Variants in EPS15 observed in about 807,000 individuals in gnomAD.
EPS15 encodes epidermal growth factor receptor pathway substrate 15, also known as epidermal growth factor receptor substrate 15.
Under a neutral mutation model 113.8 loss-of-function variants are expected in EPS15, and 72 were observed. The observed-to-expected ratio is 0.63, with a 90% CI of 0.52 to 0.77. The LOEUF (loss-of-function observed/expected upper bound fraction) is 0.77, where lower values mean the gene tolerates loss of function less well. Among genes scored for constraint, EPS15 ranks in the 30% least tolerant of loss-of-function variants. The pLI, the probability that EPS15 is intolerant of heterozygous loss-of-function variation, is 0.00. For synonymous variants in EPS15, 344 were observed against 363.4 expected (o/e 0.95, Z 0.61); for missense variants, 1,048 against 1,045.8 (o/e 1.00, Z -0.03).
chr1:51,358,718 T>G lies in EPS15; in HGVS notation c.2545-1872A>C, dbSNP rs566598626. ...AGATTTGTTTTTTTTTGTTTTTTTT[T>G]TTTTTTTTGAGGCGGAGTCTCGCTC... On this transcript the variant is annotated intron_variant, in intron 24 of 24. Transcript: ENST00000371733. 2.1e-4 allele frequency among the ~76,000 whole-genome samples: 32 copies of G among 149,786 alleles called. No individual in the cohort carries two copies. In the East Asian group the frequency reaches 2.9e-3, roughly 14 times the overall value.
intron 7 of EPS15, 55 bp downstream of exon 7, chr1:51,463,618 T>A (rs754096941): frequency 2.0e-6 from 2 of 1,011,506 alleles, no homozygotes; most frequent in Non-Finnish European, 3.0e-6. Context: ...CCTGGCATAA[T>A]AGATATAAAA....
At chr1:51,503,795 T>C (rs1644453025) in intron 1 of EPS15, among the ~76,000 whole-genome samples, 2 of 152,096 alleles carry the variant, frequency 1.3e-5, no homozygotes, top group South Asian at 4.1e-4. Context: ...ACATCTATGG[T>C]TAACTGATTA....
intron 21 of EPS15, among the ~76,000 whole-genome samples, chr1:51,375,240 A>G (rs1337709459): frequency 1.3e-5 from 2 of 149,746 alleles, no homozygotes; most frequent in African/African-American, 4.9e-5. Flanking sequence ...TGACCTTGTG[A>G]TCCACCTGCC....
intron 21 of EPS15, among the ~76,000 whole-genome samples, chr1:51,368,666 C>T (rs1032303010): frequency 6.7e-6 from 1 of 150,210 alleles, no homozygotes; most frequent in African/African-American, 2.5e-5. Flanking sequence ...GGCACGATCT[C>T]GGCTCACTGC....
At chr1:51,370,652 A>G (rs1194933422) in intron 21 of EPS15, among the ~76,000 whole-genome samples, 2 of 150,050 alleles carry the variant, frequency 1.3e-5, no homozygotes, top group Non-Finnish European at 3.0e-5. Flanking sequence ...ACAGAGTCTC[A>G]CTCTGTAGCC....
intron 20 of EPS15, among the ~76,000 whole-genome samples, chr1:51,395,071 T>C (rs934112323): frequency 1.3e-5 from 2 of 152,162 alleles, no homozygotes; most frequent in Non-Finnish European, 2.9e-5. Flanking sequence ...GGTCTTGCTA[T>C]GTTTTCCTCA....
chr1:51,508,385 A>AAAGAAAGAAAGAAAGG (rs1557537547), intron 1 of EPS15, among the ~76,000 whole-genome samples: 8 of 146,268 alleles, frequency 5.5e-5, no homozygotes, highest in African/African-American at 2.1e-4. Flanking sequence ...AGAAAGAAAG[A>AAAGAAAGAAAGAAAGG]GAAAATTTAA....
intron 8 of EPS15, chr1:51,457,948 A>C (rs1026187251): frequency 6.6e-6 from 1 of 152,212 alleles, no homozygotes; most frequent in Non-Finnish European, 1.5e-5. Context: ...AAATCGGTAA[A>C]GAAGGGAAAA....
intron 2 of EPS15, among the ~76,000 whole-genome samples, chr1:51,478,805 G>A (rs1643965070): frequency 6.6e-6 from 1 of 152,228 alleles, no homozygotes; most frequent in African/African-American, 2.4e-5. Context: ...CTGGCTGGTA[G>A]AGTTTCTGCC....
intron 24 of EPS15, among the ~76,000 whole-genome samples, chr1:51,357,397 T>A (rs1254511560): frequency 0.064 from 3,675 of 57,706 alleles, 126 homozygotes; most frequent in African/African-American, 0.088. Context: ...AAAAAATATA[T>A]ATATATATAT....
chr1:51,389,200 A>G (rs972372014), intron 21 of EPS15, among the ~76,000 whole-genome samples: 3 of 152,252 alleles, frequency 2.0e-5, no homozygotes, highest in Non-Finnish European at 4.4e-5. Context: ...GCATATAAAC[A>G]GAACCAAAGA....
At chr1:51,445,116 T>A (rs1652911858) in intron 10 of EPS15, 71 bp from the exon 11 acceptor site, 1 of 1,378,008 alleles carries the variant, frequency 7.3e-7, no homozygotes, top group Non-Finnish European at 1.0e-6. Flanking sequence ...AAAGTACCAC[T>A]ATGCAGCTTT....
At chr1:51,458,123 A>G (rs1570349839) in intron 8 of EPS15, 2 of 152,170 alleles carry the variant, frequency 1.3e-5, no homozygotes, top group African/African-American at 4.8e-5. Flanking sequence ...CACACAAGCT[A>G]GAGTTTAAAA....
chr1:51,365,867 T>G, intron 22 of EPS15, 86 bp downstream of exon 22: 1 of 812,596 alleles, frequency 1.2e-6, no homozygotes, highest in Non-Finnish European at 1.9e-6. Context: ...TGCAACTTTG[T>G]GAGAGGACTA....
In EPS15 at chr1:51,485,743, G is replaced by A. The variant is rs868111180; in HGVS notation, c.34-4429C>T. On this transcript the variant is annotated intron_variant, in intron 1 of 24. Transcript: ENST00000371733. ...TTAAATGAGAGTTCAAATAGTACACGAGATTTCATTTTGAAATTTTATCAT... is the reference window on the plus strand; with the variant it reads ...TTAAATGAGAGTTCAAATAGTACACAAGATTTCATTTTGAAATTTTATCAT... 5.3e-5 allele frequency among the ~76,000 whole-genome samples: 8 copies of A among 152,240 alleles called. No homozygotes were observed. In the East Asian group the frequency reaches 5.8e-4, roughly 11 times the overall value.
rs745391194 is a variant in EPS15, at chr1:51,409,688, T to C, written c.1122A>G (p.Gln374=). ...KQRTSEVQDL[Q]DEVQRENTNL... ...TAGTATTCTCCCTTTGAACTTCATC[T>C]TGAAGATCCTAAAATCCAAGAAAAT... is the stretch of plus-strand genomic sequence containing the variant. Residue 374 remains glutamine (Q), a synonymous_variant, in exon 14 of 25, where the codon CAA becomes CAG. Coordinates refer to ENST00000371733, the MANE Select transcript of EPS15 (RefSeq NM_001981.3). 1 of 1,603,292 alleles carries C rather than the reference T, an allele frequency of 6.2e-7. No homozygotes were observed. The highest frequency in any genetic ancestry group is 8.5e-7 in the Non-Finnish European group (1 of 1,174,544).
chr1:51,377,774 G>A (rs749554687), intron 21 of EPS15, among the ~76,000 whole-genome samples: 2 of 151,876 alleles, frequency 1.3e-5, no homozygotes, highest in Non-Finnish European at 2.9e-5. Flanking sequence ...TTAAGAAATC[G>A]CCACAGGCAC....
intron 21 of EPS15, among the ~76,000 whole-genome samples, chr1:51,385,281 G>C (rs576491796): frequency 6.6e-6 from 1 of 152,204 alleles, no homozygotes; most frequent in African/African-American, 2.4e-5. Flanking sequence ...TTTCTCCATA[G>C]AAGATATACA....
intron 24 of EPS15, among the ~76,000 whole-genome samples, chr1:51,359,532 G>A (rs1199918571): frequency 8.6e-5 from 13 of 151,332 alleles, no homozygotes; most frequent in South Asian, 4.2e-4. Context: ...GGCTGAGGCC[G>A]GTGGATCGCC....
Sources: allele counts gnomAD v4.1 joint callset (sites outside exome capture counted in the v4.1 genomes callset), GRCh38; gene constraint gnomAD v4.1.1; transcripts MANE v1.5; gene names NCBI Gene and HGNC (gene_info 2026-07-23, HGNC 2026-07-21).